Variants in LINGO1 observed in about 807,000 individuals in gnomAD.
LINGO1 encodes leucine-rich repeat and immunoglobulin-like domain-containing nogo receptor-interacting protein 1.
In LINGO1, 11 loss-of-function variants were observed where a neutral mutation model predicts 37.3. That is an observed-to-expected ratio of 0.29 (90% CI 0.19 to 0.49). LINGO1 has a LOEUF of 0.49. Among genes scored for constraint, LINGO1 ranks in the 20% least tolerant of loss-of-function variants. The probability of loss-of-function intolerance (pLI) is 0.99; values close to 1 mark genes in which losing one functional copy is unlikely to be tolerated. For synonymous variants in LINGO1, 387 were observed against 403.0 expected (o/e 0.96, Z 0.48); for missense variants, 585 against 878.2 (o/e 0.67, Z 4.22).
chr15:77,727,195 G>A (rs1212578145), intron 2 of LINGO1, among the ~76,000 whole-genome samples: 3 of 152,186 alleles, frequency 2.0e-5, no homozygotes, highest in African/African-American at 4.8e-5. Flanking sequence ...ATTACCATTC[G>A]ATCCAGCAAT....
chr15:77,741,345 A>G lies in LINGO1; in HGVS notation c.-256-6292T>C, dbSNP rs117080692. On this transcript the variant is annotated intron_variant, in intron 1 of 3. Coordinates refer to the LINGO1 transcript ENST00000561686. ...GCCCCACCCACATTACACTGTCCTG[A>G]GAGGCTGGGAAACTCCTGGAACATT... 9.5e-3 allele frequency among the ~76,000 whole-genome samples: 1,440 copies of G among 152,314 alleles called. 10 individuals carry two copies. The highest frequency in any genetic ancestry group is 0.015 in the Non-Finnish European group (1,030 of 68,030).
chr15:77,738,470 T>C (rs2076224189), intron 1 of LINGO1, among the ~76,000 whole-genome samples: 1 of 152,176 alleles, frequency 6.6e-6, no homozygotes, highest in Admixed American at 6.5e-5. Context: ...TCCCCCAGAC[T>C]TTCTTACCAT....
intron 2 of LINGO1, among the ~76,000 whole-genome samples, chr15:77,680,748 C>T (rs2075400539): frequency 6.6e-6 from 1 of 152,170 alleles, no homozygotes; most frequent in Non-Finnish European, 1.5e-5. Context: ...GGTCCAAGAC[C>T]AGCTCCCAGA....
At chr15:77,800,105 G>A (rs537976075) in intron 1 of LINGO1, among the ~76,000 whole-genome samples, 1 of 152,342 alleles carries the variant, frequency 6.6e-6, no homozygotes, top group South Asian at 2.1e-4. Flanking sequence ...ATGGAGGAGG[G>A]ACTAGGATTG....
At chr15:77,682,419 T>A (rs1465229279) in intron 2 of LINGO1, among the ~76,000 whole-genome samples, 1 of 151,986 alleles carries the variant, frequency 6.6e-6, no homozygotes, top group African/African-American at 2.4e-5. Context: ...TTTCCAAGCA[T>A]GTACATATGT....
At chr15:77,739,919 G>T (rs2076243656) in intron 1 of LINGO1, among the ~76,000 whole-genome samples, 1 of 152,220 alleles carries the variant, frequency 6.6e-6, no homozygotes, top group African/African-American at 2.4e-5. Context: ...GTTGCTCCTG[G>T]GCTCTGTGCC....
chr15:77,727,210 C>T (rs1241431801), intron 2 of LINGO1, among the ~76,000 whole-genome samples: 1 of 152,220 alleles, frequency 6.6e-6, no homozygotes, highest in Non-Finnish European at 1.5e-5. Context: ...AGCAATCCCA[C>T]TTTTGGGTGT....
intron 1 of LINGO1, among the ~76,000 whole-genome samples, chr15:77,815,816 G>A (rs145474954): frequency 3.4e-4 from 52 of 152,128 alleles, no homozygotes; most frequent in East Asian, 2.5e-3. Flanking sequence ...GAACTTCAAC[G>A]CTGCAAGCCC....
chr15:77,643,735 C>G (rs1056167943), intron 3 of LINGO1, among the ~76,000 whole-genome samples: 6 of 152,216 alleles, frequency 3.9e-5, no homozygotes, highest in Non-Finnish European at 7.4e-5. Context: ...ACAGCCCTGG[C>G]CCAGGGGCAG....
chr15:77,818,547 C>T (rs975639341), intron 1 of LINGO1, among the ~76,000 whole-genome samples: 1 of 152,060 alleles, frequency 6.6e-6, no homozygotes, highest in Non-Finnish European at 1.5e-5. Flanking sequence ...CCTGAGGGTC[C>T]AGGTCGGGTG....
chr15:77,650,511 G>C (rs568158061), intron 3 of LINGO1, among the ~76,000 whole-genome samples: 1 of 152,160 alleles, frequency 6.6e-6, no homozygotes, highest in African/African-American at 2.4e-5. Context: ...TGTCTGGGCT[G>C]AGCAGTATGA....
upstream of LINGO1, among the ~76,000 whole-genome samples, chr15:77,790,976 T>C (rs138668283): frequency 1.2e-4 from 19 of 152,308 alleles, no homozygotes; most frequent in East Asian, 3.7e-3. Flanking sequence ...GGTTCCAACC[T>C]GGCTGACCAT....
intron 1 of LINGO1, among the ~76,000 whole-genome samples, chr15:77,757,300 T>G (rs1368017699): frequency 6.6e-6 from 1 of 152,224 alleles, no homozygotes; most frequent in East Asian, 1.9e-4. Context: ...GGACAGAGAA[T>G]CTGAGCCCCC....
At chr15:77,653,526 A>C (rs1339088148) in intron 3 of LINGO1, among the ~76,000 whole-genome samples, 1 of 152,156 alleles carries the variant, frequency 6.6e-6, no homozygotes, top group African/African-American at 2.4e-5. Context: ...TTTGATCTGG[A>C]TCTTATGAAG....
chr15:77,734,699 C>T (rs1220664568), intron 2 of LINGO1, among the ~76,000 whole-genome samples: 1 of 151,966 alleles, frequency 6.6e-6, no homozygotes, highest in East Asian at 1.9e-4. Context: ...CACCCACACT[C>T]CCCAGGGCCC....
intron 1 of LINGO1, among the ~76,000 whole-genome samples, chr15:77,781,860 G>A (rs1331953897): frequency 6.6e-6 from 1 of 152,202 alleles, no homozygotes; most frequent in African/African-American, 2.4e-5. Flanking sequence ...AGGGCCCCCG[G>A]CCAGAGCTGC....
intron 1 of LINGO1, among the ~76,000 whole-genome samples, chr15:77,803,644 C>T (rs906777319): frequency 2.6e-5 from 4 of 151,980 alleles, no homozygotes; most frequent in South Asian, 4.1e-4. Flanking sequence ...GTGCTGTCCT[C>T]GTGATAGTTG....
chr15:77,791,241 G>A (rs2076816169), upstream of LINGO1, among the ~76,000 whole-genome samples: 3 of 152,168 alleles, frequency 2.0e-5, no homozygotes, highest in South Asian at 6.2e-4. Flanking sequence ...AGGGACAAGA[G>A]GATGAGGAGG....
At chr15:77,667,677 C>G (rs1470322465) in intron 3 of LINGO1, 1 of 152,218 alleles carries the variant, frequency 6.6e-6, no homozygotes, top group South Asian at 2.1e-4. Context: ...CCAGGTCGAG[C>G]CTCAGCTGTG....
Sources: allele counts gnomAD v4.1 joint callset (sites outside exome capture counted in the v4.1 genomes callset), GRCh38; gene constraint gnomAD v4.1.1; transcripts MANE v1.5; gene names NCBI Gene and HGNC (gene_info 2026-07-23, HGNC 2026-07-21).